The following LIN7A variants were observed in gnomAD, a reference collection of about 807,000 sequenced individuals.
LIN7A encodes lin-7 cell polarity scaffold A.
A neutral mutation model predicts 29.8 loss-of-function variants in LIN7A; 25 were observed. That is an observed-to-expected ratio of 0.84 (90% CI 0.61 to 1.17). The LOEUF (loss-of-function observed/expected upper bound fraction) is 1.17, where lower values mean the gene tolerates loss of function less well. LIN7A is among the 50% of genes most tolerant of loss of function. The pLI is 0.00. For synonymous variants in LIN7A, 118 were observed against 107.5 expected (o/e 1.10, Z -0.60); for missense variants, 239 against 287.0 (o/e 0.83, Z 1.21).
chr12:80,900,178 A>G (rs1876137330), intron 1 of LIN7A, among the ~76,000 whole-genome samples: 1 of 151,982 alleles, frequency 6.6e-6, no homozygotes, highest in South Asian at 2.1e-4. Context: ...TGGTCTAGGT[A>G]GCACGCTTTC....
At position 80,795,880 on chromosome 12, in the gene LIN7A, G is replaced by T. The variant is rs1870422459; in HGVS notation, c.*1847C>A. ...TAAATCTATTTTACATAACATACAG[G>T]GTCCTAACTGCCCCCACCTCACCAC... On this transcript the variant is annotated 3_prime_UTR_variant, in exon 6 of 6. Coordinates refer to ENST00000552864, the MANE Select transcript of LIN7A (RefSeq NM_004664.4). 2 of 151,910 alleles carry T rather than the reference G, an allele frequency of 1.3e-5. No individual in the cohort carries two copies. The highest frequency in any genetic ancestry group is 6.6e-5 in the Admixed American group (1 of 15,222). The allele number at this position is 151,910 out of a possible 1,614,324, so 9.4% of individuals were successfully genotyped here.
At chr12:80,865,366 TA>T (rs5799493) in intron 2 of LIN7A, among the ~76,000 whole-genome samples, 152,306 of 152,306 alleles carry the variant, frequency 1, 76,153 homozygotes, top group Non-Finnish European at 1. Flanking sequence ...TGCTGTTGGA[TA>T]AAGAATAAGG....
At chr12:80,864,972 C>T (rs1189378374) in intron 2 of LIN7A, among the ~76,000 whole-genome samples, 1 of 152,188 alleles carries the variant, frequency 6.6e-6, no homozygotes, top group African/African-American at 2.4e-5. Context: ...TACTTACCCT[C>T]AATCTGGTAA....
chr12:80,883,190 C>T lies in LIN7A; in HGVS notation c.201+6061G>A, dbSNP rs544465632. ...CTTTCTTCCTCCAATTCCTCTTTCT[C>T]CTATTATCCTTATTTTATCTCATAT... is the stretch of plus-strand genomic sequence containing the variant. On this transcript the variant is annotated intron_variant, in intron 2 of 5. Transcript: ENST00000552864. 8.6e-4 allele frequency among the ~76,000 whole-genome samples: 131 copies of T among 152,148 alleles called. 1 individual carries two copies. The South Asian group carries it at 0.025, about 29-fold the overall frequency.
At chr12:80,833,282 G>A (rs143727934) in intron 4 of LIN7A, among the ~76,000 whole-genome samples, 2 of 152,282 alleles carry the variant, frequency 1.3e-5, no homozygotes, top group African/African-American at 4.8e-5. Context: ...CAAGATCCTT[G>A]TCAGAAACCC....
intron 5 of LIN7A, among the ~76,000 whole-genome samples, chr12:80,803,123 G>C (rs772668922): frequency 2.0e-5 from 3 of 152,190 alleles, no homozygotes; most frequent in Non-Finnish European, 4.4e-5. Flanking sequence ...CTGTGAAGAA[G>C]CTGTTTAGTT....
chr12:80,843,588 C>T (rs1390886232), intron 4 of LIN7A, among the ~76,000 whole-genome samples: 1 of 152,098 alleles, frequency 6.6e-6, no homozygotes, highest in Non-Finnish European at 1.5e-5. Context: ...TTAATCCTCA[C>T]CAACCTCAAC....
chr12:80,875,178 T>C lies in LIN7A; in HGVS notation c.201+14073A>G, dbSNP rs148891048. On this transcript the variant is annotated intron_variant, in intron 2 of 5. Coordinates refer to ENST00000552864, the MANE Select transcript of LIN7A (RefSeq NM_004664.4). ...GTTGAAAGACCACTTAAACTTTCTG[T>C]ATCTTATTTTCTCATCCATAAAATT... is the stretch of plus-strand genomic sequence containing the variant. Among the ~76,000 whole-genome samples, 44 of 152,356 alleles carry C rather than the reference T, an allele frequency of 2.9e-4. No individual in the cohort carries two copies. In the East Asian group the frequency reaches 7.5e-3, roughly 26 times the overall value.
intron 5 of LIN7A, among the ~76,000 whole-genome samples, chr12:80,809,834 C>T (rs936266811): frequency 1.3e-5 from 2 of 152,160 alleles, no homozygotes; most frequent in Non-Finnish European, 2.9e-5. Context: ...GAATCTTAGA[C>T]ACATTTTATT....
intron 4 of LIN7A, among the ~76,000 whole-genome samples, chr12:80,839,593 A>G (rs923649886): frequency 6.6e-6 from 1 of 152,226 alleles, no homozygotes; most frequent in East Asian, 1.9e-4. Context: ...GCAATTAAAA[A>G]AACTTTTTAT....
At chr12:80,884,238 A>G (rs1198286623) in intron 2 of LIN7A, among the ~76,000 whole-genome samples, 1 of 152,180 alleles carries the variant, frequency 6.6e-6, no homozygotes, top group Non-Finnish European at 1.5e-5. Flanking sequence ...TTTTACAGCA[A>G]TTAAAGGATT....
At chr12:80,824,816 C>T (rs1229491862) in intron 4 of LIN7A, among the ~76,000 whole-genome samples, 1 of 152,198 alleles carries the variant, frequency 6.6e-6, no homozygotes. Context: ...ATCCAGCATC[C>T]TTTATGATTA....
chr12:80,856,573 A>G (rs1873611098), intron 2 of LIN7A, among the ~76,000 whole-genome samples: 1 of 152,210 alleles, frequency 6.6e-6, no homozygotes, highest in African/African-American at 2.4e-5. Flanking sequence ...GTCACAAAGG[A>G]CATACAAGAC....
At chr12:80,851,698 G>A (rs924958193) in intron 2 of LIN7A, among the ~76,000 whole-genome samples, 22 of 152,238 alleles carry the variant, frequency 1.4e-4, no homozygotes, top group East Asian at 5.8e-4. Context: ...GGGCTTATAC[G>A]TGGGGCTTAT....
At chr12:80,818,266 A>G (rs999732955) in intron 4 of LIN7A, among the ~76,000 whole-genome samples, 4 of 152,086 alleles carry the variant, frequency 2.6e-5, no homozygotes, top group Non-Finnish European at 5.9e-5. Context: ...AAGTTCTTTC[A>G]CTATCATTTT....
chr12:80,806,095 A>G (rs1212583637), intron 5 of LIN7A, among the ~76,000 whole-genome samples: 2 of 151,528 alleles, frequency 1.3e-5, no homozygotes, highest in African/African-American at 4.9e-5. Context: ...CAAAAAACAA[A>G]CAAAAAATAG....
intron 4 of LIN7A, among the ~76,000 whole-genome samples, chr12:80,841,424 G>T (rs918547336): frequency 6.6e-6 from 1 of 151,774 alleles, no homozygotes; most frequent in Non-Finnish European, 1.5e-5. Flanking sequence ...AAGAAAGTAC[G>T]AACAGCACCC....
At chr12:80,820,950 G>A (rs1308590431) in intron 4 of LIN7A, among the ~76,000 whole-genome samples, 1 of 152,140 alleles carries the variant, frequency 6.6e-6, no homozygotes, top group African/African-American at 2.4e-5. Context: ...GCAGAGTGTT[G>A]TGACCGCCAG....
chr12:80,908,969 CTA>C (rs1453247761), intron 1 of LIN7A, among the ~76,000 whole-genome samples: 5 of 152,102 alleles, frequency 3.3e-5, no homozygotes, highest in African/African-American at 1.2e-4. Flanking sequence ...CTTTTAAAGA[CTA>C]ATACTTTTTA....
Sources: gnomAD v4.1 joint callset for allele counts (sites outside exome capture counted in the v4.1 genomes callset) on GRCh38, gnomAD v4.1.1 for gene constraint, MANE v1.5 for transcripts, NCBI Gene and HGNC (gene_info 2026-07-23, HGNC 2026-07-21) for gene names.